The following PIEZO2 variants were observed in gnomAD, a reference collection of about 807,000 sequenced individuals.
PIEZO2 encodes the protein piezo type mechanosensitive ion channel component 2, also known as piezo-type mechanosensitive ion channel component 2.
In PIEZO2, 172 loss-of-function variants were observed where a neutral mutation model predicts 337.3. The observed-to-expected ratio is 0.51, with a 90% CI of 0.45 to 0.58. The LOEUF (loss-of-function observed/expected upper bound fraction) is 0.58, where lower values mean the gene tolerates loss of function less well. Among genes scored for constraint, PIEZO2 ranks in the 20% least tolerant of loss-of-function variants. PIEZO2 has a pLI of 0.00. For missense variants in PIEZO2, 3,028 were observed against 3,391.3 expected (o/e 0.89, Z 2.66); for synonymous variants, 1,251 against 1,228.5 (o/e 1.02, Z -0.38).
rs138705424 is a variant in PIEZO2, at chr18:10,766,436, C to A, written c.2947-3338G>T. On this transcript the variant is annotated intron_variant, in intron 21 of 55. Coordinates refer to ENST00000674853, the MANE Select transcript of PIEZO2 (RefSeq NM_001378183.1). This position sits in a 1 kb window ranked among gnomAD's most constrained non-coding sequence, Gnocchi z 6.1. ...AGATGCTGGTCCACGTACATAACAA[C>A]TGTCCAGGTGATTCTTACTATCAAG... 6.6e-6 allele frequency among the ~76,000 whole-genome samples: 1 copy of A among 152,222 alleles called. No individual in the cohort carries two copies. The highest frequency in any genetic ancestry group is 6.5e-5 in the Admixed American group (1 of 15,290).
rs1598343900 is a variant in PIEZO2 at position 10,677,548 on chromosome 18, C to T, written c.8081+199G>A. The T allele has an allele frequency of 5.5e-6, 3 of 545,986 alleles. No homozygotes were observed. The highest frequency in any genetic ancestry group is 1.0e-3 in the Middle Eastern group (2 of 1,908). The allele number at this position is 545,986 out of a possible 1,614,324, so 33.8% of individuals were successfully genotyped here. A position where few individuals can be genotyped will look rare whatever the true frequency, so the allele number is the denominator to read the frequency against. On this transcript the variant is annotated intron_variant, in intron 53 of 55. Coordinates refer to ENST00000674853, the MANE Select transcript of PIEZO2 (RefSeq NM_001378183.1). The surrounding 1 kb of genome is among the most constrained non-coding windows in gnomAD (Gnocchi z 4.1). ...CCTCATTTGGAACATAGACATAACCCTGGGGACAGTGGACAGAAAACTCCA... is the reference window on the plus strand; with the variant it reads ...CCTCATTTGGAACATAGACATAACCTTGGGGACAGTGGACAGAAAACTCCA...
rs571737058 is a variant in PIEZO2 at position 11,101,562 on chromosome 18, G to T, written c.65-35340C>A. On this transcript the variant is annotated intron_variant, in intron 1 of 55. Coordinates refer to ENST00000674853, the MANE Select transcript of PIEZO2 (RefSeq NM_001378183.1). The surrounding 1 kb of genome is among the most constrained non-coding windows in gnomAD (Gnocchi z 4.4). ...AACATATCAATAATTCTTAAAAGACGTTCCAGTGTAGAGGTGTTGAAATTT... is the reference window on the plus strand; with the variant it reads ...AACATATCAATAATTCTTAAAAGACTTTCCAGTGTAGAGGTGTTGAAATTT... Among the ~76,000 whole-genome samples, 1 of 152,126 alleles carries T rather than the reference G, an allele frequency of 6.6e-6. No individual in the cohort carries two copies. Among genetic ancestry groups the T allele is most frequent in the Non-Finnish European group, 1.5e-5 (1 of 68,042 alleles).
At chr18:10,907,334 T>C (rs998002876) in intron 4 of PIEZO2, among the ~76,000 whole-genome samples, 7 of 151,982 alleles carry the variant, frequency 4.6e-5, no homozygotes, top group African/African-American at 9.7e-5. Context: ...TCTCAGCTAC[T>C]TGATAGGCTG....
intron 31 of PIEZO2, 36 bp from the exon 32 acceptor site, chr18:10,742,651 A>G (rs1388779696): frequency 5.2e-6 from 8 of 1,534,514 alleles, no homozygotes; most frequent in Non-Finnish European, 7.0e-6. Flanking sequence ...TGCCAAGAAC[A>G]TATTCATTGT....
At chr18:10,680,500 T>C in intron 51 of PIEZO2, 129 bp from the exon 52 acceptor site, 2 of 888,082 alleles carry the variant, frequency 2.3e-6, no homozygotes, top group Non-Finnish European at 3.3e-6. Flanking sequence ...ATTTTTATAA[T>C]GGATGGTCTT....
intron 2 of PIEZO2, among the ~76,000 whole-genome samples, chr18:11,050,600 C>T (rs1006978409): frequency 6.6e-6 from 1 of 151,940 alleles, no homozygotes; most frequent in East Asian, 1.9e-4. Flanking sequence ...TAAAGTAGAA[C>T]CCTTGTCCAG....
intron 3 of PIEZO2, among the ~76,000 whole-genome samples, chr18:10,934,636 CGTGTGT>C (rs59190236): frequency 0.06 from 7,868 of 130,734 alleles, 231 homozygotes; most frequent in African/African-American, 0.084. Context: ...ATTGTGTGTA[CGTGTGT>C]GTGTGTGTGT....
chr18:11,084,775 G>GAC (rs1385467249), intron 1 of PIEZO2, among the ~76,000 whole-genome samples: 1 of 152,238 alleles, frequency 6.6e-6, no homozygotes, highest in African/African-American at 2.4e-5. Context: ...TGAGGTTTGA[G>GAC]ACACGACAGA....
At chr18:11,090,384 C>A (rs542197120) in intron 1 of PIEZO2, among the ~76,000 whole-genome samples, 31 of 152,294 alleles carry the variant, frequency 2.0e-4, no homozygotes, top group African/African-American at 6.3e-4. Context: ...CTATATTTGG[C>A]TTTAAGCTCC....
chr18:10,702,703 C>T (rs988043747), intron 42 of PIEZO2, among the ~76,000 whole-genome samples: 1 of 152,208 alleles, frequency 6.6e-6, no homozygotes, highest in Non-Finnish European at 1.5e-5. Flanking sequence ...GCTTTCTATT[C>T]ATCTTTGTAT....
chr18:10,705,882 T>C, intron 40 of PIEZO2, 136 bp from the exon 41 acceptor site: 1 of 1,144,586 alleles, frequency 8.7e-7, no homozygotes, highest in Admixed American at 2.9e-5. Context: ...ATCTGCTTTG[T>C]TCTTTTAGGA....
At chr18:10,770,074 G>T in intron 21 of PIEZO2, 74 bp downstream of exon 21, 1 of 1,443,574 alleles carries the variant, frequency 6.9e-7, no homozygotes, top group Middle Eastern at 1.8e-4. Flanking sequence ...AAAAAATCAT[G>T]GACAGCTGGA....
intron 7 of PIEZO2, among the ~76,000 whole-genome samples, chr18:10,826,025 T>G (rs72988043): frequency 0.2 from 29,839 of 152,184 alleles, 3,058 homozygotes; most frequent in Middle Eastern, 0.31. Context: ...AATATGCATT[T>G]TATACCCAAG....
intron 36 of PIEZO2, among the ~76,000 whole-genome samples, chr18:10,720,409 GTATGTGTATGTATATATA>G (rs1244186302): frequency 0.03 from 540 of 17,914 alleles, 39 homozygotes; most frequent in South Asian, 0.065. Context: ...GTGTGTATGT[GTATGTGTATGTATATATA>G]TATATATATA....
At position 10,877,138 on chromosome 18, in the gene PIEZO2, TC is replaced by T. The variant is rs1301854589; in HGVS notation, c.330-5724del. Among the ~76,000 whole-genome samples, 1 of 152,160 alleles carries T rather than the reference TC, an allele frequency of 6.6e-6. No individual in the cohort carries two copies. The highest frequency in any genetic ancestry group is 6.5e-5 in the Admixed American group (1 of 15,270). ...TACGTCCTACTTAATTGTTGATGAG[TC>T]CACAAAATTCTGTTCTTCATTTATT... On this transcript the variant is annotated intron_variant, in intron 4 of 55. Coordinates refer to ENST00000674853, the MANE Select transcript of PIEZO2 (RefSeq NM_001378183.1). The surrounding 1 kb of genome is among the most constrained non-coding windows in gnomAD (Gnocchi z 5.3).
At chr18:10,757,896 A>G (rs1175139775) in intron 27 of PIEZO2, 73 bp downstream of exon 27, 1 of 1,360,616 alleles carries the variant, frequency 7.3e-7, no homozygotes, top group Non-Finnish European at 9.8e-7. Context: ...TATAGCAGAG[A>G]AAGTATAGAG....
At chr18:11,100,797 G>T (rs554314165) in intron 1 of PIEZO2, among the ~76,000 whole-genome samples, 1 of 152,002 alleles carries the variant, frequency 6.6e-6, no homozygotes, top group Non-Finnish European at 1.5e-5. Flanking sequence ...GGGTTTCACC[G>T]TGTTAGCCAG....
At chr18:10,681,836 A>C (rs981084754) in intron 50 of PIEZO2, 83 bp from the exon 51 acceptor site, 6 of 1,174,772 alleles carry the variant, frequency 5.1e-6, no homozygotes, top group Non-Finnish European at 7.5e-6. Flanking sequence ...TTTATGTAGG[A>C]TATCAGCCCA....
chr18:10,698,666 G>A (rs2035203932), intron 44 of PIEZO2, among the ~76,000 whole-genome samples: 1 of 152,188 alleles, frequency 6.6e-6, no homozygotes, highest in South Asian at 2.1e-4. Flanking sequence ...TAGGTACAAG[G>A]CAGTGTGCCG....
Sources: gnomAD v4.1 joint callset for allele counts (sites outside exome capture counted in the v4.1 genomes callset) on GRCh38, gnomAD v4.1.1 for gene constraint, Gnocchi (gnomAD v3.1) non-coding constraint, MANE v1.5 for transcripts, NCBI Gene and HGNC (gene_info 2026-07-23, HGNC 2026-07-21) for gene names.